Variants in HOXA3 observed in about 807,000 individuals in gnomAD.
HOXA3 encodes homeobox protein Hox-A3.
Under a neutral mutation model 30.3 loss-of-function variants are expected in HOXA3, and 8 were observed. The observed-to-expected ratio is 0.26, with a 90% CI of 0.15 to 0.48. The LOEUF (loss-of-function observed/expected upper bound fraction) is 0.48, where lower values mean the gene tolerates loss of function less well. Among genes scored for constraint, HOXA3 ranks in the 20% least tolerant of loss-of-function variants. The probability of loss-of-function intolerance (pLI) is 0.99; values close to 1 mark genes in which losing one functional copy is unlikely to be tolerated. For synonymous variants in HOXA3, 323 were observed against 273.1 expected, an observed-to-expected ratio of 1.18 and a Z score of -1.80; for missense variants, 653 against 614.4, an observed-to-expected ratio of 1.06 and a Z score of -0.66.
chr7:27,148,932 CG>C (rs1451064594), intron 1 of HOXA3, among the ~76,000 whole-genome samples: 5 of 152,262 alleles, frequency 3.3e-5, no homozygotes, highest in African/African-American at 9.6e-5. Context: ...GTTTCCGGGG[CG>C]CCCGACAACC....
At chr7:27,151,855 C>G (rs958053844) in intron 1 of HOXA3, among the ~76,000 whole-genome samples, 1 of 152,082 alleles carries the variant, frequency 6.6e-6, no homozygotes, top group Non-Finnish European at 1.5e-5. Context: ...CCAACAAAAC[C>G]AAATAGGGCC....
At chr7:27,132,195 T>G (rs141099705) in intron 2 of HOXA3, among the ~76,000 whole-genome samples, 1 of 152,322 alleles carries the variant, frequency 6.6e-6, no homozygotes, top group East Asian at 1.9e-4. Context: ...ATTTTCATAT[T>G]GGCATGCAAA....
chr7:27,146,028 T>C, intron 1 of HOXA3: 1 of 1,227,180 alleles, frequency 8.1e-7, no homozygotes. Context: ...CCGCCTCCAC[T>C]CCAGCCTCTC....
In HOXA3 at chr7:27,137,952, C is replaced by CT. The variant is rs60453365; in HGVS notation, c.-390+2130dup. On this transcript the variant is annotated intron_variant, in intron 2 of 5. Coordinates refer to ENST00000612286, the MANE Select transcript of HOXA3 (RefSeq NM_153631.3). ...TTAAACTGGCAGAATCCCCGTCACT[C>CT]TTTTTTTTTTCTAATTTCAATCACC... Among the ~76,000 whole-genome samples the CT allele has an allele frequency of 5.4e-3, 807 of 150,184 alleles. 6 individuals are homozygous for CT. The highest frequency in any genetic ancestry group is 0.018 in the African/African-American group (743 of 40,916).
At chr7:27,152,196 C>A in intron 1 of HOXA3, 92 bp downstream of exon 1, 1 of 710,028 alleles carries the variant, frequency 1.4e-6, no homozygotes, top group Non-Finnish European at 2.0e-6. Flanking sequence ...GTATGCCCCT[C>A]TTAAAGCCTC....
intron 4 of HOXA3, among the ~76,000 whole-genome samples, chr7:27,120,470 G>A (rs1784949107): frequency 6.7e-6 from 1 of 148,646 alleles, no homozygotes; most frequent in Admixed American, 6.8e-5. Flanking sequence ...GAAACCAGAA[G>A]GCAGAGGTTG....
intron 1 of HOXA3, chr7:27,145,698 T>C (rs757840868): frequency 6.2e-7 from 1 of 1,614,218 alleles, no homozygotes; most frequent in Non-Finnish European, 8.5e-7. Flanking sequence ...CCCGCTGGGC[T>C]GCGTGGAATT....
chr7:27,110,158 C>G lies in HOXA3; in HGVS notation c.483G>C (p.Glu161Asp). The G allele has an allele frequency of 6.2e-7, 1 of 1,614,216 alleles. No homozygotes were observed. Among genetic ancestry groups the G allele is most frequent in the African/African-American group, 1.3e-5 (1 of 75,050 alleles). The change falls in exon 5 of 6, where the codon GAG (glutamate) becomes GAC (aspartate). Residue 161 changes from glutamate (E) to aspartate (D), a missense_variant. Physicochemically the swap from Glu to Asp is conservative, Grantham distance 45. Coordinates refer to ENST00000612286, the MANE Select transcript of HOXA3 (RefSeq NM_153631.3). Reference protein sequence around the residue: ...VAKQIFPWMKESRQNTKQKTS... With the variant: ...VAKQIFPWMKDSRQNTKQKTS... Reference sequence around the variant, plus strand: ...TTTTCTGCTTTGTGTTTTGTCGAGACTCTTTCATCCAGGGGAAGATTTGTT... The same window carrying G: ...TTTTCTGCTTTGTGTTTTGTCGAGAGTCTTTCATCCAGGGGAAGATTTGTT...
At chr7:27,118,406 G>A (rs1784843797) in intron 4 of HOXA3, among the ~76,000 whole-genome samples, 3 of 152,228 alleles carry the variant, frequency 2.0e-5, no homozygotes, top group Admixed American at 1.3e-4. Context: ...ATGTGCTCAC[G>A]TGGTCATACG....
intron 1 of HOXA3, chr7:27,143,642 G>A (rs553432814): frequency 3.1e-5 from 48 of 1,556,504 alleles, no homozygotes; most frequent in Non-Finnish European, 4.1e-5. Flanking sequence ...TTTGTGGCTC[G>A]CGGTCGTTTG....
intron 1 of HOXA3, 103 bp downstream of exon 1, chr7:27,152,185 A>G (rs62454420): frequency 0.068 from 34,259 of 501,382 alleles, 1,556 homozygotes; most frequent in East Asian, 0.22. Flanking sequence ...GGTAAGGGGG[A>G]GTATGCCCCT....
At position 27,108,305 on chromosome 7, in the gene HOXA3, C is replaced by T; in HGVS notation, c.942G>A (p.Ala314=). ...GCGGGGGTGCGCAGCTGGGCAGGGA[C>T]GCAGGGTAGGAGGCGGGGGGCAGCC... The part of the protein sequence containing the change: ...TYGLPPASYP[A]SLPSCAPPPP... Residue 314 remains alanine, a synonymous_variant, in exon 6 of 6, where the codon GCG becomes GCA. Transcript: ENST00000612286. This position sits in a 1 kb window ranked among gnomAD's most constrained non-coding sequence, Gnocchi z 5.0. 1 of 1,522,180 alleles carries T rather than the reference C, an allele frequency of 6.6e-7. No individual in the cohort carries two copies. 94.3% of individuals were successfully genotyped at this position (1,522,180 alleles called of 1,614,324 possible). A position where few individuals can be genotyped will look rare whatever the true frequency, so the allele number is the denominator to read the frequency against.
chr7:27,127,320 T>C (rs572574638), intron 2 of HOXA3, among the ~76,000 whole-genome samples: 4 of 152,190 alleles, frequency 2.6e-5, no homozygotes, highest in Non-Finnish European at 5.9e-5. Flanking sequence ...CGAATTTTCT[T>C]GGCTCTTCAG....
In HOXA3 at chr7:27,107,859, A is replaced by G. The variant is rs1245185344; in HGVS notation, c.*56T>C. ...AAAAAAAAAAAAAAAAAAAGCAACC[A>G]AAGAAAAAAGGTGGGTGGGGGGAGA... On this transcript the variant is annotated 3_prime_UTR_variant, in exon 6 of 6. Coordinates refer to ENST00000612286, the MANE Select transcript of HOXA3 (RefSeq NM_153631.3). 1.7e-6 allele frequency: 2 copies of G among 1,179,432 alleles called. No homozygotes were observed. Among genetic ancestry groups the G allele is most frequent in the Non-Finnish European group, 1.1e-6 (1 of 879,034 alleles). The allele number at this position is 1,179,432 out of a possible 1,614,324, so 73.1% of individuals were successfully genotyped here.
intron 1 of HOXA3, chr7:27,151,261 G>A (rs537503768): frequency 1.7e-4 from 39 of 225,270 alleles, no homozygotes; most frequent in African/African-American, 8.2e-4. Context: ...GGCAAATCTG[G>A]TCTGATGTGC....
In HOXA3 at chr7:27,145,870, G is replaced by A. The variant is rs376435844; in HGVS notation, c.-493-5684C>T. 6.2e-6 allele frequency: 10 copies of A among 1,614,084 alleles called. No individual in the cohort carries two copies. Among genetic ancestry groups the A allele is most frequent in the African/African-American group, 5.3e-5 (4 of 74,932 alleles). On this transcript the variant is annotated intron_variant, in intron 1 of 5. Transcript: ENST00000612286. Reference sequence around the variant, plus strand: ...TTCTCCAGCTCCAGTGTCTGGTAGCGCGTGTAGGTCTGGCGGCCTCGGCGC... The same window carrying A: ...TTCTCCAGCTCCAGTGTCTGGTAGCACGTGTAGGTCTGGCGGCCTCGGCGC...
At chr7:27,117,762 C>T (rs1400452532) in intron 4 of HOXA3, among the ~76,000 whole-genome samples, 1 of 152,050 alleles carries the variant, frequency 6.6e-6, no homozygotes, top group Non-Finnish European at 1.5e-5. Context: ...CCACCCATCC[C>T]CCACCCCTCC....
At position 27,107,486 on chromosome 7, in the gene HOXA3, C is replaced by G. The variant is rs1449857815; in HGVS notation, c.*429G>C. 2 of 152,528 alleles carry G rather than the reference C, an allele frequency of 1.3e-5. No homozygotes were observed. Among genetic ancestry groups the G allele is most frequent in the South Asian group, 2.1e-4 (1 of 4,658 alleles). 9.4% of individuals were successfully genotyped at this position (152,528 alleles called of 1,614,324 possible). On this transcript the variant is annotated 3_prime_UTR_variant, in exon 6 of 6. Transcript: ENST00000612286. The stretch of plus-strand genomic sequence containing the variant: ...AAAGCGCCTTTGATTTTTTTTCTCA[C>G]TCTTTACAAGAAGTGCAATTAAAAA...
At chr7:27,130,225 C>G (rs1785469068) in intron 2 of HOXA3, 1 of 1,425,652 alleles carries the variant, frequency 7.0e-7, no homozygotes, top group Non-Finnish European at 9.2e-7. Flanking sequence ...GGGGGCGCTG[C>G]CCCCTGCCGG....
Sources: allele counts gnomAD v4.1 joint callset (sites outside exome capture counted in the v4.1 genomes callset), GRCh38; gene constraint gnomAD v4.1.1; non-coding constraint Gnocchi (gnomAD v3.1); transcripts MANE v1.5; gene names NCBI Gene and HGNC (gene_info 2026-07-23, HGNC 2026-07-21).